The following DLGAP5 variants were observed in gnomAD, a reference collection of about 807,000 sequenced individuals.
DLGAP5 encodes the protein disks large-associated protein 5.
Under a neutral mutation model 99.6 loss-of-function variants are expected in DLGAP5, and 90 were observed. The observed-to-expected ratio is 0.90, with a 90% CI of 0.76 to 1.08. The LOEUF (loss-of-function observed/expected upper bound fraction) is 1.08. DLGAP5 is among the 50% of genes least tolerant of loss of function. The pLI is 0.00. For missense variants in DLGAP5, 1,036 were observed against 983.5 expected, an observed-to-expected ratio of 1.05 and a Z score of -0.71; for synonymous variants, 311 against 321.3, an observed-to-expected ratio of 0.97 and a Z score of 0.34.
At chr14:55,171,883 T>C (rs1882872164) in intron 10 of DLGAP5, among the ~76,000 whole-genome samples, 1 of 152,176 alleles carries the variant, frequency 6.6e-6, no homozygotes, top group Admixed American at 6.5e-5. Context: ...TACATAATTC[T>C]ACTTAAATAA....
rs760121866 is a variant in DLGAP5 at position 55,148,241 on chromosome 14, T to C, written c.*110A>G. ...TTGATGAACACAGAATATTAAAACA[T>C]TATATGCTATAGAAGTGAACACAAA... On this transcript the variant is annotated 3_prime_UTR_variant, in exon 19 of 19. Transcript: ENST00000247191. 34 of 1,090,628 alleles carry C rather than the reference T, an allele frequency of 3.1e-5. No individual in the cohort carries two copies. Among genetic ancestry groups the C allele is most frequent in the Non-Finnish European group, 4.2e-5 (32 of 762,784 alleles). 67.6% of individuals were successfully genotyped at this position (1,090,628 alleles called of 1,614,324 possible).
chr14:55,154,479 G>GAGT (rs1160003002), intron 15 of DLGAP5, 138 bp downstream of exon 15: 1 of 688,042 alleles, frequency 1.5e-6, no homozygotes. Flanking sequence ...TATAAAAAGG[G>GAGT]AGTACTGCCT....
intron 17 of DLGAP5, 140 bp downstream of exon 17, chr14:55,151,555 T>TGAATTAGACCCTG: frequency 1.1e-6 from 1 of 928,012 alleles, no homozygotes. Context: ...GGAATTGTTC[T>TGAATTAGACCCTG]AATTCAGGGT....
At chr14:55,181,350 T>G in intron 4 of DLGAP5, 53 bp from the exon 5 acceptor site, 1 of 1,444,578 alleles carries the variant, frequency 6.9e-7, no homozygotes, top group South Asian at 1.2e-5. Context: ...AATCAGACCA[T>G]CATATTTTTA....
chr14:55,170,305 T>C (rs1326162947), intron 11 of DLGAP5, among the ~76,000 whole-genome samples: 1 of 150,516 alleles, frequency 6.6e-6, no homozygotes, highest in Non-Finnish European at 1.5e-5. Flanking sequence ...CCATATTGAT[T>C]TAGGTAATTT....
chr14:55,179,642 G>A lies in DLGAP5; in HGVS notation c.761C>T (p.Thr254Ile). The change falls in exon 7 of 19, where the codon ACA becomes ATA. Residue 254 changes from threonine to isoleucine, a missense_variant. Transcript: ENST00000247191. Reference sequence around the variant, plus strand: ...TTTATTCTCTACCTTGTCGGGTTTTGTTTCTACATTTTTGGCAGGTCTTCC... The same window carrying A: ...TTTATTCTCTACCTTGTCGGGTTTTATTTCTACATTTTTGGCAGGTCTTCC... ...SKGRPAKNVETKPDKGISCKV... is the reference protein window; with the variant it reads ...SKGRPAKNVEIKPDKGISCKV... 1 of 1,611,664 alleles carries A rather than the reference G, an allele frequency of 6.2e-7. No individual in the cohort carries two copies.
At position 55,190,339 on chromosome 14, in the gene DLGAP5, G is replaced by A. The variant is rs1883571272; in HGVS notation, c.-2+1124C>T. Reference sequence around the variant, plus strand: ...ACGCACAAAATCATATAGTTTAATTGGCACATGCCTTTTTCTTGGAAAGAT... The same window carrying A: ...ACGCACAAAATCATATAGTTTAATTAGCACATGCCTTTTTCTTGGAAAGAT... On this transcript the variant is annotated intron_variant, in intron 1 of 18. Coordinates refer to ENST00000247191, the MANE Select transcript of DLGAP5 (RefSeq NM_014750.5). Among the ~76,000 whole-genome samples the A allele has an allele frequency of 5.4e-5, 8 of 148,332 alleles. No homozygotes were observed. In the South Asian group the frequency reaches 1.7e-3, roughly 31 times the overall value.
chr14:55,165,712 G>C (rs867099103), intron 12 of DLGAP5, among the ~76,000 whole-genome samples: 1 of 152,168 alleles, frequency 6.6e-6, no homozygotes, highest in South Asian at 2.1e-4. Context: ...CTATGATAAA[G>C]TTTCATTTAT....
intron 7 of DLGAP5, 32 bp from the exon 8 acceptor site, chr14:55,177,368 T>C: frequency 1.3e-6 from 2 of 1,543,730 alleles, no homozygotes; most frequent in Non-Finnish European, 1.7e-6. Flanking sequence ...TAGAGTAAGA[T>C]TTCTCTCTTC....
intron 12 of DLGAP5, among the ~76,000 whole-genome samples, chr14:55,169,095 G>C (rs569765415): frequency 1.2e-4 from 17 of 146,862 alleles, no homozygotes; most frequent in African/African-American, 4.3e-4. Context: ...AGAATGGTGT[G>C]AACCTGGGGG....
At chr14:55,165,903 A>G (rs779375039) in intron 12 of DLGAP5, among the ~76,000 whole-genome samples, 4 of 152,242 alleles carry the variant, frequency 2.6e-5, no homozygotes, top group African/African-American at 4.8e-5. Flanking sequence ...AAAAAAGACA[A>G]TAAGTATTAG....
At chr14:55,161,995 T>A (rs544747239) in intron 13 of DLGAP5, among the ~76,000 whole-genome samples, 35 of 151,580 alleles carry the variant, frequency 2.3e-4, no homozygotes, top group African/African-American at 8.2e-4. Flanking sequence ...TTACATAGTA[T>A]AATAAAATAC....
intron 18 of DLGAP5, among the ~76,000 whole-genome samples, chr14:55,149,416 G>C (rs557625989): frequency 8.9e-4 from 135 of 151,786 alleles, no homozygotes; most frequent in South Asian, 2.1e-3. Context: ...CTGAGACACA[G>C]GGCAGCCCAG....
rs547384955 is a variant in DLGAP5, at chr14:55,162,551, G to A, written c.1653+420C>T. Among the ~76,000 whole-genome samples the A allele has an allele frequency of 1.1e-4, 17 of 151,486 alleles. No individual in the cohort carries two copies. In the South Asian group the frequency reaches 1.5e-3, roughly 13 times the overall value. ...GGAGAATGGCGTGAACCCGGGAGGCGGAGCTGGCAGTGAGCTGAGATCACG... is the reference window on the plus strand; with the variant it reads ...GGAGAATGGCGTGAACCCGGGAGGCAGAGCTGGCAGTGAGCTGAGATCACG... On this transcript the variant is annotated intron_variant, in intron 13 of 18. Transcript: ENST00000247191.
At chr14:55,169,949 A>G (rs968338679) in intron 11 of DLGAP5, among the ~76,000 whole-genome samples, 1 of 152,182 alleles carries the variant, frequency 6.6e-6, no homozygotes, top group African/African-American at 2.4e-5. Flanking sequence ...AGCCTGGCCA[A>G]CATGGTGAAA....
intron 2 of DLGAP5, among the ~76,000 whole-genome samples, chr14:55,187,449 G>C (rs1476928212): frequency 6.6e-6 from 1 of 151,156 alleles, no homozygotes; most frequent in Non-Finnish European, 1.5e-5. Context: ...CTCCTGAGTA[G>C]GTGGGATTAC....
intron 4 of DLGAP5, 77 bp downstream of exon 4, chr14:55,182,293 C>A (rs1251646757): frequency 9.0e-6 from 11 of 1,221,160 alleles, no homozygotes; most frequent in Non-Finnish European, 1.3e-5. Flanking sequence ...GAATCTGATA[C>A]TAGATTTAAA....
intron 13 of DLGAP5, among the ~76,000 whole-genome samples, chr14:55,160,719 A>G (rs567092515): frequency 3.0e-4 from 45 of 152,298 alleles, no homozygotes; most frequent in Non-Finnish European, 2.1e-4. Flanking sequence ...CTGGGATTAC[A>G]GGCTTAAGCC....
chr14:55,155,348 T>TG (rs1035576569), intron 14 of DLGAP5, among the ~76,000 whole-genome samples: 5 of 148,820 alleles, frequency 3.4e-5, no homozygotes, highest in African/African-American at 1.2e-4. Context: ...CCTTTTTTTT[T>TG]GTTTTTGTTT....
Sources: allele counts gnomAD v4.1 joint callset (sites outside exome capture counted in the v4.1 genomes callset), GRCh38; gene constraint gnomAD v4.1.1; transcripts MANE v1.5; gene names NCBI Gene and HGNC (gene_info 2026-07-23, HGNC 2026-07-21).